GLB1L2: variants seen among roughly 807,000 people sequenced by gnomAD.
GLB1L2 encodes the protein galactosidase beta 1 like 2.
In GLB1L2, 68 loss-of-function variants were observed where a neutral mutation model predicts 84.1. The ratio of observed to expected loss-of-function variants is 0.81; its 90% CI spans 0.67 to 0.99. The LOEUF (loss-of-function observed/expected upper bound fraction) is 0.99, where lower values mean the gene tolerates loss of function less well. GLB1L2 is among the 50% of genes least tolerant of loss of function. GLB1L2 has a pLI of 0.00. For synonymous variants in GLB1L2, 290 were observed against 318.0 expected, an observed-to-expected ratio of 0.91 and a Z score of 0.94; for missense variants, 762 against 805.6, an observed-to-expected ratio of 0.95 and a Z score of 0.66.
chr11:134,362,454 G>A lies in GLB1L2; in HGVS notation c.734-1874G>A, dbSNP rs1164604602. ...CAGCTTAGGAAAGAGGCTCTCGGCT[G>A]CCACTCGGAGCGCCGGGTGTGGGAG... On this transcript the variant is annotated intron_variant, in intron 7 of 18. Coordinates refer to ENST00000535456, the MANE Select transcript of GLB1L2 (RefSeq NM_001370461.1). Among the ~76,000 whole-genome samples, 7 of 152,218 alleles carry A rather than the reference G, an allele frequency of 4.6e-5. No individual in the cohort carries two copies. In the East Asian group the frequency reaches 1.4e-3, roughly 29 times the overall value.
chr11:134,341,877 C>T (rs545255140), intron 1 of GLB1L2, among the ~76,000 whole-genome samples: 1 of 145,546 alleles, frequency 6.9e-6, no homozygotes, highest in South Asian at 2.2e-4. Context: ...GGCTGGCCAC[C>T]GCCTGCTAGT....
Position 134,370,338 on chromosome 11 carries a change from A to G in GLB1L2, c.1154A>G (p.Tyr385Cys), listed in dbSNP as rs1943932389. The G allele has an allele frequency of 6.2e-7, 1 of 1,613,558 alleles. No homozygotes were observed. Among genetic ancestry groups the G allele is most frequent in the Middle Eastern group, 1.6e-4 (1 of 6,062 alleles). The change falls in exon 12 of 19, where the codon TAT (tyrosine) becomes TGT (cysteine). Residue 385 changes from tyrosine to cysteine, a missense_variant. Physicochemically the swap from Tyr to Cys is radical, Grantham distance 194. Around this residue, in one of 3 missense-constraint regions of GLB1L2, gnomAD observed 603 missense variants for 611.7 expected, o/e 0.99. Transcript: ENST00000535456. The surrounding 1 kb of genome is among the most constrained non-coding windows in gnomAD (Gnocchi z 4.7). Reference protein sequence around the residue: ...PPPDLLPKMPYEPLTPVLYLS... With the variant: ...PPPDLLPKMPCEPLTPVLYLS... ...CCTGACCTTCTTCCCAAGATGCCGT[A>G]TGAGCCCTTAACGCCAGTCTTGTAC...
chr11:134,337,438 C>T (rs1242167441), intron 1 of GLB1L2, among the ~76,000 whole-genome samples: 4 of 152,142 alleles, frequency 2.6e-5, no homozygotes, highest in African/African-American at 9.7e-5. Context: ...TTCCTGGAGC[C>T]CGGGGATTGG....
chr11:134,333,240 T>A (rs1287611751), intron 1 of GLB1L2, among the ~76,000 whole-genome samples: 1 of 152,166 alleles, frequency 6.6e-6, no homozygotes, highest in Non-Finnish European at 1.5e-5. Flanking sequence ...ACGGATTTTC[T>A]TCTCATTCTG....
intron 5 of GLB1L2, among the ~76,000 whole-genome samples, chr11:134,354,796 T>A (rs1943679963): frequency 6.6e-6 from 1 of 152,218 alleles, no homozygotes. Context: ...GAATCTCTCT[T>A]TGTCTTCAAT....
In GLB1L2 at chr11:134,370,779, G is replaced by A. The variant is rs1277775332; in HGVS notation, c.1216-229G>A. On this transcript the variant is annotated intron_variant, in intron 12 of 18. Coordinates refer to ENST00000535456, the MANE Select transcript of GLB1L2 (RefSeq NM_001370461.1). This position sits in a 1 kb window ranked among gnomAD's most constrained non-coding sequence, Gnocchi z 4.7. ...GTGCCTCCTCCGGCGGACTGAGGCT[G>A]TGATGTGTGTCCCCTGCCTGCGGAC... Among the ~76,000 whole-genome samples, 1 of 152,184 alleles carries A rather than the reference G, an allele frequency of 6.6e-6. No homozygotes were observed. Among genetic ancestry groups the A allele is most frequent in the Non-Finnish European group, 1.5e-5 (1 of 68,034 alleles).
At chr11:134,343,026 A>G (rs1243887531) in intron 2 of GLB1L2, 75 bp downstream of exon 2, 2 of 1,478,124 alleles carry the variant, frequency 1.4e-6, no homozygotes, top group Non-Finnish European at 1.8e-6. Context: ...AAAAAATATA[A>G]GAGGAACCGG....
intron 18 of GLB1L2, 100 bp downstream of exon 18, chr11:134,374,818 TCCTC>T: frequency 8.7e-7 from 1 of 1,147,392 alleles, no homozygotes; most frequent in Non-Finnish European, 1.3e-6. Context: ...AGCGGGTTCT[TCCTC>T]CCTCCTCCTC....
intron 1 of GLB1L2, among the ~76,000 whole-genome samples, chr11:134,335,243 T>A (rs920903181): frequency 8.0e-5 from 12 of 150,216 alleles, no homozygotes; most frequent in African/African-American, 3.0e-4. Flanking sequence ...TTTTTTTTTA[T>A]GTGAATCATG....
intron 18 of GLB1L2, 113 bp from the exon 19 acceptor site, chr11:134,374,859 C>T (rs1455982061): frequency 4.2e-6 from 5 of 1,201,564 alleles, no homozygotes; most frequent in Non-Finnish European, 6.1e-6. Flanking sequence ...TGGTCCCTGT[C>T]CCTTCCAGCC....
intron 7 of GLB1L2, among the ~76,000 whole-genome samples, 163 bp from the exon 8 acceptor site, chr11:134,364,165 G>A (rs1320841470): frequency 6.6e-6 from 1 of 152,194 alleles, no homozygotes; most frequent in African/African-American, 2.4e-5. Flanking sequence ...ACAGGTGTGA[G>A]CCACCGCGCC....
intron 8 of GLB1L2, chr11:134,365,130 T>A (rs1943850244): frequency 6.6e-6 from 1 of 152,610 alleles, no homozygotes; most frequent in African/African-American, 2.4e-5. Flanking sequence ...GACGCTGGGC[T>A]GCTTTCCATT....
At position 134,371,410 on chromosome 11, in the gene GLB1L2, C is replaced by T; in HGVS notation, c.1357-11C>T. On this transcript the variant is annotated splice_polypyrimidine_tract_variant and intron_variant, in intron 13 of 18. Coordinates refer to ENST00000535456, the MANE Select transcript of GLB1L2 (RefSeq NM_001370461.1). Reference sequence around the variant, plus strand: ...TTGGTCATGGATGTTCCTGCCTGTTCCCTTTGGCAGGTGTTTGTGAACACA... The same window carrying T: ...TTGGTCATGGATGTTCCTGCCTGTTTCCTTTGGCAGGTGTTTGTGAACACA... 6.5e-7 allele frequency: 1 copy of T among 1,537,360 alleles called. No individual in the cohort carries two copies.
chr11:134,374,304 C>T, intron 17 of GLB1L2, 48 bp downstream of exon 17: 1 of 1,412,304 alleles, frequency 7.1e-7, no homozygotes, highest in Non-Finnish European at 1.0e-6. Flanking sequence ...TGCCTCCCGC[C>T]TTGGAGGGCT....
At position 134,371,128 on chromosome 11, in the gene GLB1L2, C is replaced by T. The variant is rs374367564; in HGVS notation, c.1336C>T (p.His446Tyr). 9.3e-6 allele frequency: 15 copies of T among 1,614,088 alleles called. No individual in the cohort carries two copies. The Admixed American group carries it at 1.8e-4, about 20-fold the overall frequency. The change falls in exon 13 of 19, where the codon CAC (histidine) becomes TAC (tyrosine). Residue 446 changes from histidine to tyrosine, a missense_variant. Transcript: ENST00000535456. ...SITSSGILSG[H>Y]VHDRGQVFVN... The stretch of plus-strand genomic sequence containing the variant: ...CACCTCGTCTGGCATCCTCAGTGGC[C>T]ACGTGCATGATCGGGGGCAGGTAGG...
chr11:134,340,300 ATG>A (rs933907688), intron 1 of GLB1L2, among the ~76,000 whole-genome samples: 1 of 151,982 alleles, frequency 6.6e-6, no homozygotes, highest in African/African-American at 2.4e-5. Context: ...GTGCATGTGC[ATG>A]TGTGTGTGTA....
intron 6 of GLB1L2, 108 bp downstream of exon 6, chr11:134,356,501 A>G (rs1310645006): frequency 1.4e-6 from 1 of 711,758 alleles, no homozygotes; most frequent in African/African-American, 1.8e-5. Flanking sequence ...TACATCCTCC[A>G]ACATCATGTA....
intron 13 of GLB1L2, 89 bp from the exon 14 acceptor site, chr11:134,371,332 G>T (rs1943949383): frequency 4.3e-6 from 5 of 1,168,606 alleles, no homozygotes; most frequent in Non-Finnish European, 6.4e-6. Context: ...CTGCCTACAG[G>T]CACGCGTGCT....
rs757799529 is a variant in GLB1L2, at chr11:134,364,334, C to T, written c.740C>T (p.Ala247Val). ...LSKGIVQGVLATINLQSTHEL... is the reference protein window; with the variant it reads ...LSKGIVQGVLVTINLQSTHEL... The stretch of plus-strand genomic sequence containing the variant: ...CTCCTCTTCCCTTTAACAGTCTTGG[C>T]CACCATCAACTTGCAGTCAACACAC... The change falls in exon 8 of 19, where the codon GCC becomes GTC. Residue 247 changes from alanine (A) to valine (V), a missense_variant. Physicochemically the swap from Ala to Val is moderately conservative, Grantham distance 64. Around this residue, in one of 3 missense-constraint regions of GLB1L2, gnomAD observed 603 missense variants for 611.7 expected, o/e 0.99. Transcript: ENST00000535456. 5.0e-6 allele frequency: 8 copies of T among 1,613,416 alleles called. No homozygotes were observed. Among genetic ancestry groups the T allele is most frequent in the South Asian group, 4.4e-5 (4 of 91,042 alleles).
Sources: allele counts gnomAD v4.1 joint callset (sites outside exome capture counted in the v4.1 genomes callset), GRCh38; gene constraint gnomAD v4.1.1; regional missense constraint gnomAD v4.1.1; non-coding constraint Gnocchi (gnomAD v3.1); transcripts MANE v1.5; gene names NCBI Gene and HGNC (gene_info 2026-07-23, HGNC 2026-07-21).